The following HDAC9 variants were observed in gnomAD, a reference collection of about 807,000 sequenced individuals.
The protein encoded by HDAC9 is histone deacetylase 9.
A neutral mutation model predicts 139.4 loss-of-function variants in HDAC9; 41 were observed. The ratio of observed to expected loss-of-function variants is 0.29; its 90% CI spans 0.23 to 0.38. The LOEUF (loss-of-function observed/expected upper bound fraction) is 0.38. Among genes scored for constraint, HDAC9 ranks in the 10% least tolerant of loss-of-function variants. HDAC9 has a pLI of 1.00. For synonymous variants in HDAC9, 517 were observed against 476.2 expected (o/e 1.09, Z -1.12); for missense variants, 1,147 against 1,297.0 (o/e 0.88, Z 1.78).
At chr7:18,896,421 G>A (rs929336129) in intron 22 of HDAC9, among the ~76,000 whole-genome samples, 1 of 151,988 alleles carries the variant, frequency 6.6e-6, no homozygotes, top group Non-Finnish European at 1.5e-5. Flanking sequence ...GCACAAGGTA[G>A]AAACTTATCT....
intron 2 of HDAC9, among the ~76,000 whole-genome samples, chr7:18,180,670 A>G (rs184248249): frequency 1.3e-5 from 2 of 152,304 alleles, no homozygotes; most frequent in African/African-American, 4.8e-5. Context: ...GGCCTTTGAG[A>G]ACAAGTTACT....
chr7:18,110,821 T>C (rs1347951526), intron 1 of HDAC9, among the ~76,000 whole-genome samples: 3 of 151,972 alleles, frequency 2.0e-5, no homozygotes, highest in Non-Finnish European at 1.5e-5. Flanking sequence ...GTAGTAATTG[T>C]GATGATGGGG....
At position 18,585,367 on chromosome 7, in the gene HDAC9, G is replaced by C. The variant is rs773054471; in HGVS notation, c.109G>C (p.Val37Leu). 2 of 1,613,924 alleles carry C rather than the reference G, an allele frequency of 1.2e-6. No individual in the cohort carries two copies. Among genetic ancestry groups the C allele is most frequent in the Non-Finnish European group, 1.7e-6 (2 of 1,179,888 alleles). Residue 37 changes from valine (V) to leucine (L), a missense_variant, in exon 3 of 26, where the codon GTG becomes CTG. Val to Leu is a conservative substitution (Grantham distance 32). This residue lies in a region of HDAC9 where 136 missense variants were observed against 183.5 expected (regional missense o/e 0.74). Coordinates refer to ENST00000686413, the MANE Select transcript of HDAC9 (RefSeq NM_178425.4). ...AGACCTCAGGATGATGATGCCCGTG[G>C]TGGACCCTGTTGTCCGTGAGAAGCA... is the stretch of plus-strand genomic sequence containing the variant. ...RTDLRMMMPV[V>L]DPVVREKQLQ... is the part of the protein sequence containing the mutation.
chr7:18,973,314 C>T (rs1784362945), intron 24 of HDAC9, among the ~76,000 whole-genome samples: 1 of 152,082 alleles, frequency 6.6e-6, no homozygotes, highest in Admixed American at 6.5e-5. Flanking sequence ...TGTTAGCCAC[C>T]ATAGAAAACA....
At chr7:18,455,076 AT>A (rs969333897) in intron 1 of HDAC9, among the ~76,000 whole-genome samples, 6 of 151,924 alleles carry the variant, frequency 3.9e-5, no homozygotes, top group Admixed American at 1.3e-4. Flanking sequence ...AAAACTGAAT[AT>A]TTTTTTACTT....
At chr7:18,315,635 G>A (rs1229210287) in intron 1 of HDAC9, among the ~76,000 whole-genome samples, 1 of 152,218 alleles carries the variant, frequency 6.6e-6, no homozygotes, top group South Asian at 2.1e-4. Context: ...AGTATTCACA[G>A]CACTACATAA....
intron 2 of HDAC9, among the ~76,000 whole-genome samples, chr7:18,571,155 T>A (rs1398900853): frequency 1.3e-5 from 2 of 152,280 alleles, no homozygotes; most frequent in African/African-American, 4.8e-5. Context: ...CATGAATTTT[T>A]AAAATGTTTT....
chr7:18,665,632 C>T (rs781354277), intron 11 of HDAC9, among the ~76,000 whole-genome samples: 3 of 151,592 alleles, frequency 2.0e-5, no homozygotes, highest in Non-Finnish European at 2.9e-5. Flanking sequence ...AATCATACAC[C>T]TCTTTAAAGT....
rs183104024 is a variant in HDAC9, at chr7:18,385,874, T to C, written c.-42+95359T>C. ...TCAGTATGTTATAGAGTGGACGATA[T>C]TTAATTTCACTGAGCTCCTTTCCTT... is the stretch of plus-strand genomic sequence containing the variant. On this transcript the variant is annotated intron_variant, in intron 1 of 3. Transcript: ENST00000413509. Among the ~76,000 whole-genome samples, 43 of 152,252 alleles carry C rather than the reference T, an allele frequency of 2.8e-4. 1 individual carries two copies. The highest frequency in any genetic ancestry group is 3.4e-3 in the Middle Eastern group (1 of 294).
intron 2 of HDAC9, among the ~76,000 whole-genome samples, chr7:18,171,874 C>T (rs547073952): frequency 1.3e-5 from 2 of 152,212 alleles, no homozygotes; most frequent in East Asian, 1.9e-4. Context: ...ACTTTTGCAT[C>T]GATGTTCATC....
At chr7:18,698,877 T>C (rs1036642910) in intron 12 of HDAC9, among the ~76,000 whole-genome samples, 1 of 152,200 alleles carries the variant, frequency 6.6e-6, no homozygotes, top group African/African-American at 2.4e-5. Flanking sequence ...GTTTGCAAAA[T>C]ATTTTGGCAA....
At chr7:18,675,916 C>T (rs1400732758) in intron 12 of HDAC9, among the ~76,000 whole-genome samples, 4 of 152,002 alleles carry the variant, frequency 2.6e-5, no homozygotes, top group African/African-American at 9.7e-5. Flanking sequence ...AAAAAGAATC[C>T]TGGATTTTTT....
intron 22 of HDAC9, among the ~76,000 whole-genome samples, chr7:18,882,697 T>C (rs1368977004): frequency 6.6e-6 from 1 of 151,928 alleles, no homozygotes; most frequent in Admixed American, 6.6e-5. Flanking sequence ...ACCTACAACC[T>C]ATGTAATAAA....
chr7:18,251,273 G>A (rs144617412), intron 2 of HDAC9, among the ~76,000 whole-genome samples: 332 of 152,174 alleles, frequency 2.2e-3, no homozygotes, highest in Non-Finnish European at 4.1e-3. Flanking sequence ...ATTAAACACC[G>A]CATGTTCTCA....
intron 17 of HDAC9, among the ~76,000 whole-genome samples, chr7:18,825,988 A>G (rs1795402107): frequency 6.6e-6 from 1 of 151,716 alleles, no homozygotes; most frequent in South Asian, 2.1e-4. Flanking sequence ...GGGGAATTAT[A>G]CAAATGTAAC....
intron 22 of HDAC9, among the ~76,000 whole-genome samples, chr7:18,896,056 C>T (rs1214086087): frequency 6.6e-6 from 1 of 152,098 alleles, no homozygotes; most frequent in East Asian, 1.9e-4. Flanking sequence ...CGAAGGGAAA[C>T]ATCAAGAAGA....
chr7:18,227,075 C>T (rs1192199024), intron 2 of HDAC9, among the ~76,000 whole-genome samples: 1 of 152,166 alleles, frequency 6.6e-6, no homozygotes, highest in Non-Finnish European at 1.5e-5. Context: ...AAGAGCAAGA[C>T]ATTCAAATAA....
At chr7:18,862,965 TAATTTCTAGATTAAA>T (rs1318955841) in intron 21 of HDAC9, among the ~76,000 whole-genome samples, 2 of 152,198 alleles carry the variant, frequency 1.3e-5, no homozygotes, top group Non-Finnish European at 2.9e-5. Context: ...TACAGTAGTA[TAATTTCTAGATTAAA>T]AATGAATTAA....
intron 1 of HDAC9, among the ~76,000 whole-genome samples, chr7:18,378,821 TA>T (rs1244535687): frequency 6.6e-6 from 1 of 152,136 alleles, no homozygotes; most frequent in Non-Finnish European, 1.5e-5. Flanking sequence ...CGATAGAGCA[TA>T]TAGCAAAGGG....
Sources: allele counts gnomAD v4.1 joint callset (sites outside exome capture counted in the v4.1 genomes callset), GRCh38; gene constraint gnomAD v4.1.1; regional missense constraint gnomAD v4.1.1; transcripts MANE v1.5; gene names NCBI Gene and HGNC (gene_info 2026-07-23, HGNC 2026-07-21).